The following N4BP2L2 variants were observed in gnomAD, a reference collection of about 807,000 sequenced individuals.
The protein encoded by N4BP2L2 is NEDD4 binding protein 2 like 2, also known as NEDD4-binding protein 2-like 2.
A neutral mutation model predicts 56.2 loss-of-function variants in N4BP2L2; 50 were observed. That is an observed-to-expected ratio of 0.89 (90% confidence interval 0.71 to 1.13). The LOEUF (loss-of-function observed/expected upper bound fraction) is 1.13, where lower values mean the gene tolerates loss of function less well. N4BP2L2 is among the 50% of genes most tolerant of loss of function. The probability of loss-of-function intolerance (pLI) is 0.00; values close to 1 mark genes in which losing one functional copy is unlikely to be tolerated. For synonymous variants in N4BP2L2, 203 were observed against 223.6 expected, an observed-to-expected ratio of 0.91 and a Z score of 0.82; for missense variants, 689 against 693.8, an observed-to-expected ratio of 0.99 and a Z score of 0.08.
At chr13:32,445,001 G>A (rs192434543) in intron 6 of N4BP2L2, among the ~76,000 whole-genome samples, 36 of 152,226 alleles carry the variant, frequency 2.4e-4, no homozygotes, top group African/African-American at 8.2e-4. Context: ...GTAATCCCAC[G>A]ACTTTGGGAA....
At chr13:32,436,376 C>A in exon 9 of N4BP2L2, 1 of 1,224,048 alleles carries the variant, frequency 8.2e-7, no homozygotes, top group South Asian at 1.4e-5. Context: ...AAGGAATTTT[C>A]ATTTTTCAAC....
intron 3 of N4BP2L2, chr13:32,525,451 C>G (rs2052450631): frequency 6.6e-6 from 1 of 152,170 alleles, no homozygotes; most frequent in African/African-American, 2.4e-5. Context: ...AAACCATCCT[C>G]AGCCAGGCAC....
At chr13:32,496,782 C>T (rs963584652) in intron 6 of N4BP2L2, among the ~76,000 whole-genome samples, 2 of 152,162 alleles carry the variant, frequency 1.3e-5, no homozygotes, top group Non-Finnish European at 2.9e-5. Context: ...CCTGCTGAGC[C>T]CCACCTCTGA....
chr13:32,489,117 G>A (rs2086523991), intron 6 of N4BP2L2, among the ~76,000 whole-genome samples: 1 of 152,128 alleles, frequency 6.6e-6, no homozygotes, highest in Non-Finnish European at 1.5e-5. Flanking sequence ...GAAATACCCT[G>A]TGTGCAAATT....
At chr13:32,459,353 T>C (rs983946517) in intron 6 of N4BP2L2, among the ~76,000 whole-genome samples, 1 of 152,082 alleles carries the variant, frequency 6.6e-6, no homozygotes, top group African/African-American at 2.4e-5. Context: ...AAAAGTGTTT[T>C]TTTTGAGATG....
At chr13:32,451,272 TA>T (rs2077966774) in intron 6 of N4BP2L2, among the ~76,000 whole-genome samples, 1 of 150,576 alleles carries the variant, frequency 6.6e-6, no homozygotes, top group Non-Finnish European at 1.5e-5. Context: ...TGTCCGTATT[TA>T]AAAAAAGAAA....
intron 2 of N4BP2L2, among the ~76,000 whole-genome samples, chr13:32,532,561 T>TA (rs2055142881): frequency 6.6e-6 from 1 of 151,744 alleles, no homozygotes; most frequent in South Asian, 2.1e-4. Context: ...TATATGTAGG[T>TA]TATGTTTCTG....
At chr13:32,457,294 T>C (rs2079135396) in intron 6 of N4BP2L2, among the ~76,000 whole-genome samples, 1 of 151,620 alleles carries the variant, frequency 6.6e-6, no homozygotes, top group Non-Finnish European at 1.5e-5. Context: ...AAGAGAAGAG[T>C]AAAGACACAG....
At position 32,536,631 on chromosome 13, in the gene N4BP2L2, T is replaced by A; in HGVS notation, c.397A>T (p.Lys133Ter). 2 of 1,613,990 alleles carry A rather than the reference T, an allele frequency of 1.2e-6. No individual in the cohort carries two copies. The highest frequency in any genetic ancestry group is 1.1e-5 in the South Asian group (1 of 91,058). Reference sequence around the variant, plus strand: ...TTCCTCCCTTCATTACGTTTCTTTTTCTCAGGGGGTTTGTAAATGGGTCCT... The same window carrying A: ...TTCCTCCCTTCATTACGTTTCTTTTACTCAGGGGGTTTGTAAATGGGTCCT... The change falls in exon 2 of 6, where the codon AAA (lysine) becomes TAA (stop). Residue 133 changes from lysine to a stop codon, truncating the protein, a stop_gained. Coordinates refer to ENST00000267068, the Ensembl canonical transcript of N4BP2L2. LOFTEE classifies it high-confidence loss of function.
intron 6 of N4BP2L2, among the ~76,000 whole-genome samples, chr13:32,451,680 C>T (rs1013324016): frequency 5.9e-5 from 9 of 151,684 alleles, no homozygotes; most frequent in Admixed American, 5.3e-4. Flanking sequence ...GTAGCTGGGA[C>T]CACAGGTATG....
intron 2 of N4BP2L2, among the ~76,000 whole-genome samples, chr13:32,532,583 CTTTTTTCTTTTT>C (rs2055162100): frequency 7.1e-6 from 1 of 140,534 alleles, no homozygotes; most frequent in East Asian, 2.0e-4. Flanking sequence ...ATTCTCTTTT[CTTTTTTCTTTTT>C]TTTTTTTTTT....
intron 7 of N4BP2L2, among the ~76,000 whole-genome samples, chr13:32,439,208 A>G (rs1218939938): frequency 1.3e-5 from 2 of 152,234 alleles, no homozygotes; most frequent in African/African-American, 4.8e-5. Flanking sequence ...TCCTTTTAGC[A>G]CTATTAATGT....
chr13:32,528,396 A>T (rs191040407), intron 2 of N4BP2L2, among the ~76,000 whole-genome samples: 88 of 152,328 alleles, frequency 5.8e-4, no homozygotes, highest in Admixed American at 1.8e-3. Context: ...TTAAATTTTT[A>T]AGAACTTAAG....
At chr13:32,449,447 G>C (rs1048034446) in intron 6 of N4BP2L2, among the ~76,000 whole-genome samples, 4 of 152,132 alleles carry the variant, frequency 2.6e-5, no homozygotes, top group African/African-American at 9.7e-5. Flanking sequence ...ACACATTACA[G>C]ATGTGGTTTA....
intron 6 of N4BP2L2, among the ~76,000 whole-genome samples, chr13:32,469,455 T>C (rs1272109093): frequency 2.0e-5 from 3 of 152,076 alleles, no homozygotes; most frequent in Non-Finnish European, 4.4e-5. Context: ...AGGACATGCA[T>C]GCCCAGTCCC....
At chr13:32,442,062 C>A (rs1593406180) in intron 7 of N4BP2L2, among the ~76,000 whole-genome samples, 1 of 152,124 alleles carries the variant, frequency 6.6e-6, no homozygotes, top group Admixed American at 6.6e-5. Flanking sequence ...GGAGACAGAG[C>A]GATAAATAAA....
chr13:32,474,620 G>A (rs1201427299), intron 6 of N4BP2L2, among the ~76,000 whole-genome samples: 1 of 152,084 alleles, frequency 6.6e-6, no homozygotes, highest in African/African-American at 2.4e-5. Context: ...CTTGAGCCTG[G>A]GGGGACAGAG....
At chr13:32,537,402 G>A (rs2056823842) in intron 1 of N4BP2L2, among the ~76,000 whole-genome samples, 3 of 152,042 alleles carry the variant, frequency 2.0e-5, no homozygotes, top group Admixed American at 2.0e-4. Context: ...GTATTTAAAA[G>A]GAGAGTGAAA....
intron 6 of N4BP2L2, among the ~76,000 whole-genome samples, chr13:32,461,576 A>C (rs907154566): frequency 1.3e-5 from 2 of 152,164 alleles, no homozygotes; most frequent in African/African-American, 4.8e-5. Flanking sequence ...AACCACAATG[A>C]GATATCATTC....
Sources: gnomAD v4.1 joint callset for allele counts (sites outside exome capture counted in the v4.1 genomes callset) on GRCh38, gnomAD v4.1.1 for gene constraint, MANE v1.5 for transcripts, NCBI Gene and HGNC (gene_info 2026-07-23, HGNC 2026-07-21) for gene names.